WDR41: variants seen among roughly 807,000 people sequenced by gnomAD.
WDR41 encodes WD repeat-containing protein 41.
Under a neutral mutation model 69.3 loss-of-function variants are expected in WDR41, and 63 were observed. The observed-to-expected ratio is 0.91, with a 90% CI of 0.74 to 1.12. The LOEUF (loss-of-function observed/expected upper bound fraction) is 1.12, where lower values mean the gene tolerates loss of function less well. Among genes scored for constraint, WDR41 ranks in the 50% most tolerant of loss-of-function variants. The pLI is 0.00. For missense variants in WDR41, 543 were observed against 534.5 expected, an observed-to-expected ratio of 1.02 and a Z score of -0.16; for synonymous variants, 185 against 192.1, an observed-to-expected ratio of 0.96 and a Z score of 0.31.
intron 1 of WDR41, among the ~76,000 whole-genome samples, chr5:77,551,902 T>A (rs983238461): frequency 6.7e-5 from 10 of 149,124 alleles, no homozygotes; most frequent in Non-Finnish European, 1.3e-4. Flanking sequence ...TCGCTTGAAC[T>A]AGGGAGGCGG....
intron 6 of WDR41, chr5:77,451,607 T>G (rs1160686502): frequency 2.6e-6 from 1 of 380,094 alleles, no homozygotes; most frequent in East Asian, 4.8e-5. Flanking sequence ...TTTTTTTTAC[T>G]ATTGTGATAA....
In WDR41 at chr5:77,574,891, TA is replaced by T. The variant is rs1367221988; in HGVS notation, c.42+45587del. ...GTTCTTGTCTTCCTACAACTTTGTC[TA>T]AACATAAAGGACATAGAGTTAACAA... On this transcript the variant is annotated intron_variant, in intron 1 of 5. Transcript: ENST00000509971. Among the ~76,000 whole-genome samples the T allele has an allele frequency of 5.9e-5, 9 of 152,314 alleles. No homozygotes were observed. The East Asian group carries it at 1.7e-3, about 29-fold the overall frequency.
At chr5:77,546,762 A>C (rs1288067293) in intron 1 of WDR41, among the ~76,000 whole-genome samples, 1 of 152,162 alleles carries the variant, frequency 6.6e-6, no homozygotes, top group African/African-American at 2.4e-5. Flanking sequence ...ACCCCTCCCT[A>C]AATCATTCCA....
chr5:77,578,806 G>T (rs1443320300), intron 1 of WDR41, among the ~76,000 whole-genome samples: 1 of 138,878 alleles, frequency 7.2e-6, no homozygotes, highest in African/African-American at 2.7e-5. Context: ...AGAGGTTGCA[G>T]TAAGCCAAGA....
chr5:77,605,493 G>C (rs145051411), intron 1 of WDR41, among the ~76,000 whole-genome samples: 1 of 152,348 alleles, frequency 6.6e-6, no homozygotes, highest in Non-Finnish European at 1.5e-5. Flanking sequence ...AATCCATTTT[G>C]TGTACAGTCT....
Position 77,564,612 on chromosome 5 carries a change from T to C in WDR41, c.42+55867A>G, listed in dbSNP as rs555963769. 5.9e-5 allele frequency among the ~76,000 whole-genome samples: 9 copies of C among 152,294 alleles called. No individual in the cohort carries two copies. In the South Asian group the frequency reaches 1.7e-3, roughly 28 times the overall value. On this transcript the variant is annotated intron_variant, in intron 1 of 5. Transcript: ENST00000509971. ...CTTTTACTGCGCAATGGTAGATAGGTATAATATGAGGTTCTATTCTTAACA... is the reference window on the plus strand; with the variant it reads ...CTTTTACTGCGCAATGGTAGATAGGCATAATATGAGGTTCTATTCTTAACA...
At chr5:77,509,225 G>A (rs1802159776) in intron 1 of WDR41, among the ~76,000 whole-genome samples, 1 of 152,076 alleles carries the variant, frequency 6.6e-6, no homozygotes, top group Non-Finnish European at 1.5e-5. Context: ...CTTCTGACTT[G>A]CTGCTTCTAT....
chr5:77,508,082 C>T (rs1046095117), intron 1 of WDR41, among the ~76,000 whole-genome samples: 1 of 151,954 alleles, frequency 6.6e-6, no homozygotes, highest in Non-Finnish European at 1.5e-5. Flanking sequence ...CTTCAAATTT[C>T]CATTAGTTCT....
chr5:77,588,778 ATG>A (rs1361667615), intron 1 of WDR41, among the ~76,000 whole-genome samples: 1 of 152,192 alleles, frequency 6.6e-6, no homozygotes, highest in African/African-American at 2.4e-5. Context: ...ACCTTGTTTT[ATG>A]TGTGTTTTTG....
In WDR41 at chr5:77,449,795, T is replaced by C. The variant is rs1445304082; in HGVS notation, c.662A>G (p.His221Arg). Residue 221 changes from histidine to arginine, a missense_variant, in exon 8 of 13, where the codon CAC becomes CGC. Physicochemically the swap from His to Arg is conservative, Grantham distance 29. Transcript: ENST00000296679. Reference sequence around the variant, plus strand: ...AATCAATGAGAGAATATTATCCTGGTGATCAAGGAGGCGCTTAACTTCAAG... The same window carrying C: ...AATCAATGAGAGAATATTATCCTGGCGATCAAGGAGGCGCTTAACTTCAAG... ...DILEVKRLLDHQDNILSLINV... is the reference protein window; with the variant it reads ...DILEVKRLLDRQDNILSLINV... The C allele has an allele frequency of 5.6e-6, 9 of 1,613,296 alleles. No homozygotes were observed. Among genetic ancestry groups the C allele is most frequent in the Non-Finnish European group, 7.6e-6 (9 of 1,179,290 alleles).
intron 1 of WDR41, among the ~76,000 whole-genome samples, chr5:77,605,136 T>G (rs946307699): frequency 1.1e-4 from 16 of 152,188 alleles, no homozygotes; most frequent in African/African-American, 3.9e-4. Context: ...CCTAATGAGC[T>G]GCCAAAAATG....
At chr5:77,481,241 C>T (rs918021981) in intron 2 of WDR41, among the ~76,000 whole-genome samples, 1 of 152,056 alleles carries the variant, frequency 6.6e-6, no homozygotes, top group African/African-American at 2.4e-5. Flanking sequence ...AACTCCTTAC[C>T]TTGTGATCCA....
chr5:77,560,963 A>G (rs1413610712), intron 1 of WDR41, among the ~76,000 whole-genome samples: 1 of 152,172 alleles, frequency 6.6e-6, no homozygotes, highest in African/African-American at 2.4e-5. Context: ...AATTCACTCA[A>G]CGGTAGAGAT....
intron 8 of WDR41, among the ~76,000 whole-genome samples, chr5:77,442,909 A>AAAAAAAAAAAAAAAAAAAG (rs1294619182): frequency 6.7e-6 from 1 of 148,628 alleles, no homozygotes; most frequent in Non-Finnish European, 1.5e-5. Flanking sequence ...AAAAAAAAAA[A>AAAAAAAAAAAAAAAAAAAG]AAAAGGATTT....
At chr5:77,568,492 A>G (rs1743676898) in intron 1 of WDR41, among the ~76,000 whole-genome samples, 1 of 152,198 alleles carries the variant, frequency 6.6e-6, no homozygotes, top group Middle Eastern at 3.4e-3. Context: ...GCTTGTCCCT[A>G]TTTCTTCTGC....
chr5:77,595,821 T>A (rs1010938488), intron 1 of WDR41, among the ~76,000 whole-genome samples: 2 of 152,212 alleles, frequency 1.3e-5, no homozygotes, highest in East Asian at 3.8e-4. Context: ...CGTGGCGTCC[T>A]CAAAATTACA....
At chr5:77,545,722 G>A (rs867144030) in intron 1 of WDR41, 5 of 538,522 alleles carry the variant, frequency 9.3e-6, no homozygotes, top group African/African-American at 2.0e-5. Context: ...GCAGACCCAC[G>A]CTGGCCAGTG....
intron 1 of WDR41, chr5:77,546,266 G>A (rs765488382): frequency 2.9e-6 from 1 of 347,472 alleles, no homozygotes; most frequent in African/African-American, 2.1e-5. Context: ...CTACAACATA[G>A]AGTTTTTATA....
At chr5:77,502,499 CA>C (rs1561208198) in intron 1 of WDR41, among the ~76,000 whole-genome samples, 1 of 152,128 alleles carries the variant, frequency 6.6e-6, no homozygotes, top group East Asian at 1.9e-4. Context: ...GGCTAACATT[CA>C]AATTCAGAAA....
Sources: allele counts gnomAD v4.1 joint callset (sites outside exome capture counted in the v4.1 genomes callset), GRCh38; gene constraint gnomAD v4.1.1; transcripts MANE v1.5; gene names NCBI Gene and HGNC (gene_info 2026-07-23, HGNC 2026-07-21).